CNTNAP2: variants seen among roughly 807,000 people sequenced by gnomAD.
CNTNAP2 encodes contactin associated protein 2.
In CNTNAP2, 98 loss-of-function variants were observed where a neutral mutation model predicts 155.2. The ratio of observed to expected loss-of-function variants is 0.63; its 90% confidence interval spans 0.54 to 0.75. The LOEUF (loss-of-function observed/expected upper bound fraction) is 0.75, where lower values mean the gene tolerates loss of function less well. CNTNAP2 is among the 30% of genes least tolerant of loss of function. CNTNAP2 has a pLI of 0.00. For synonymous variants in CNTNAP2, 651 were observed against 631.2 expected, an observed-to-expected ratio of 1.03 and a Z score of -0.47; for missense variants, 1,727 against 1,688.1, an observed-to-expected ratio of 1.02 and a Z score of -0.40.
intron 20 of CNTNAP2, among the ~76,000 whole-genome samples, chr7:148,237,589 G>A (rs1256649705): frequency 1.3e-5 from 2 of 152,208 alleles, no homozygotes; most frequent in African/African-American, 4.8e-5. Flanking sequence ...AGAAGACTCA[G>A]TAAAAAGTCT....
chr7:147,544,018 T>A (rs1341995210), intron 11 of CNTNAP2, among the ~76,000 whole-genome samples: 1 of 152,202 alleles, frequency 6.6e-6, no homozygotes, highest in Non-Finnish European at 1.5e-5. Context: ...CTTCATGTCA[T>A]GGAATATTTA....
In CNTNAP2 at chr7:146,516,706, G is replaced by A. The variant is rs142242724; in HGVS notation, c.98-257565G>A. The stretch of plus-strand genomic sequence containing the variant: ...GCCAAATCCCAAAACACTCCTGAAT[G>A]CATTAGGGTAGATTATGAACATGTA... On this transcript the variant is annotated intron_variant, in intron 1 of 23. Transcript: ENST00000361727. 3.2e-4 allele frequency among the ~76,000 whole-genome samples: 48 copies of A among 152,054 alleles called. No individual in the cohort carries two copies. In the East Asian group the frequency reaches 8.7e-3, roughly 28 times the overall value.
At chr7:147,445,422 A>G (rs1797717362) in intron 10 of CNTNAP2, among the ~76,000 whole-genome samples, 1 of 152,200 alleles carries the variant, frequency 6.6e-6, no homozygotes. Context: ...TGATCCCAAA[A>G]TTGTGGATCT....
At chr7:147,616,021 A>G (rs1458885447) in intron 12 of CNTNAP2, among the ~76,000 whole-genome samples, 2 of 152,090 alleles carry the variant, frequency 1.3e-5, no homozygotes, top group Admixed American at 1.3e-4. Flanking sequence ...TTGCCTGGAT[A>G]AATATTCAGT....
At chr7:148,202,846 C>T (rs1168726811) in intron 18 of CNTNAP2, among the ~76,000 whole-genome samples, 1 of 152,210 alleles carries the variant, frequency 6.6e-6, no homozygotes, top group African/African-American at 2.4e-5. Context: ...TCATTCAAGG[C>T]TCTGTGTAGT....
intron 13 of CNTNAP2, among the ~76,000 whole-genome samples, chr7:147,816,766 T>C (rs1419970402): frequency 6.6e-6 from 1 of 152,192 alleles, no homozygotes; most frequent in Non-Finnish European, 1.5e-5. Flanking sequence ...AGTTCATTAA[T>C]GTGTAAGAAT....
intron 10 of CNTNAP2, among the ~76,000 whole-genome samples, chr7:147,431,707 G>A (rs1797469760): frequency 6.6e-6 from 1 of 152,104 alleles, no homozygotes; most frequent in Non-Finnish European, 1.5e-5. Context: ...GTTTGGCACT[G>A]TAAATCAGTT....
chr7:146,834,970 C>T lies in CNTNAP2; in HGVS notation c.209-4741C>T, dbSNP rs553763794. Reference sequence around the variant, plus strand: ...CAAAGAGAAAAAGGGAACTTTTCATCGATCTTTCCACCATGTTCCTCATGA... The same window carrying T: ...CAAAGAGAAAAAGGGAACTTTTCATTGATCTTTCCACCATGTTCCTCATGA... On this transcript the variant is annotated intron_variant, in intron 2 of 23. Coordinates refer to ENST00000361727, the MANE Select transcript of CNTNAP2 (RefSeq NM_014141.6). Among the ~76,000 whole-genome samples, 11 of 152,164 alleles carry T rather than the reference C, an allele frequency of 7.2e-5. 1 individual carries two copies. Among genetic ancestry groups the T allele is most frequent in the South Asian group, 2.1e-4 (1 of 4,824 alleles).
intron 8 of CNTNAP2, chr7:147,167,249 G>C (rs531063180): frequency 5.3e-6 from 2 of 379,876 alleles, no homozygotes; most frequent in Admixed American, 4.5e-5. Context: ...AATATTAACT[G>C]GTCAATTTTG....
At chr7:146,358,285 C>T (rs979658807) in intron 1 of CNTNAP2, among the ~76,000 whole-genome samples, 1 of 152,132 alleles carries the variant, frequency 6.6e-6, no homozygotes, top group Non-Finnish European at 1.5e-5. Flanking sequence ...CCACCCTCCT[C>T]AGCCTCCCAA....
chr7:147,973,029 C>T (rs997776468), intron 14 of CNTNAP2, among the ~76,000 whole-genome samples: 5 of 152,000 alleles, frequency 3.3e-5, no homozygotes, highest in African/African-American at 1.2e-4. Context: ...TGGTGGCATG[C>T]ACCTGTACTC....
chr7:148,158,005 C>T (rs1321415558), intron 17 of CNTNAP2, among the ~76,000 whole-genome samples: 1 of 152,140 alleles, frequency 6.6e-6, no homozygotes. Flanking sequence ...CCTGCTGGGC[C>T]ACCACGCTCA....
At chr7:146,201,520 T>C (rs1798860229) in intron 1 of CNTNAP2, among the ~76,000 whole-genome samples, 1 of 152,140 alleles carries the variant, frequency 6.6e-6, no homozygotes, top group African/African-American at 2.4e-5. Context: ...GTTTACTGTT[T>C]GTTGGATTTT....
intron 1 of CNTNAP2, among the ~76,000 whole-genome samples, chr7:146,522,771 A>G (rs1278639461): frequency 1.3e-5 from 2 of 149,602 alleles, no homozygotes; most frequent in Non-Finnish European, 3.0e-5. Flanking sequence ...AATAATATCT[A>G]TTATGTTTTA....
chr7:147,445,597 G>C (rs1055707124), intron 10 of CNTNAP2, among the ~76,000 whole-genome samples: 3 of 152,176 alleles, frequency 2.0e-5, no homozygotes, highest in Non-Finnish European at 4.4e-5. Flanking sequence ...ACAAATGTTA[G>C]TTGTCATTCT....
intron 1 of CNTNAP2, among the ~76,000 whole-genome samples, chr7:146,585,657 ATAGGCC>A (rs1003724922): frequency 1.3e-5 from 2 of 152,022 alleles, no homozygotes; most frequent in Middle Eastern, 3.2e-3. Flanking sequence ...AGTTATCAAA[ATAGGCC>A]TAGAAATTTA....
intron 2 of CNTNAP2, among the ~76,000 whole-genome samples, chr7:146,826,818 A>T (rs1379995278): frequency 6.7e-6 from 1 of 149,722 alleles, no homozygotes; most frequent in Non-Finnish European, 1.5e-5. Flanking sequence ...AATAATTTTT[A>T]AGAATGAATG....
At chr7:147,640,750 A>G (rs1456438974) in intron 13 of CNTNAP2, among the ~76,000 whole-genome samples, 1 of 152,230 alleles carries the variant, frequency 6.6e-6, no homozygotes, top group Non-Finnish European at 1.5e-5. Context: ...AGGAAGGAGG[A>G]AAAAAACAGC....
chr7:147,341,080 G>A (rs1795753373), intron 9 of CNTNAP2, among the ~76,000 whole-genome samples: 1 of 145,738 alleles, frequency 6.9e-6, no homozygotes, highest in Non-Finnish European at 1.5e-5. Context: ...TTGTGTGTGT[G>A]TGTGTGTGTG....
Sources: gnomAD v4.1 joint callset for allele counts (sites outside exome capture counted in the v4.1 genomes callset) on GRCh38, gnomAD v4.1.1 for gene constraint, MANE v1.5 for transcripts, NCBI Gene and HGNC (gene_info 2026-07-23, HGNC 2026-07-21) for gene names.